Variants in SLC35F3 observed in about 807,000 individuals in gnomAD.
The protein encoded by SLC35F3 is solute carrier family 35 member F3.
In SLC35F3, 25 loss-of-function variants were observed where a neutral mutation model predicts 49.9. The ratio of observed to expected loss-of-function variants is 0.50; its 90% CI spans 0.37 to 0.70. SLC35F3 has a LOEUF of 0.70. SLC35F3 is among the 30% of genes least tolerant of loss of function. The probability of loss-of-function intolerance (pLI) is 0.00; values close to 1 mark genes in which losing one functional copy is unlikely to be tolerated. For synonymous variants in SLC35F3, 275 were observed against 265.4 expected (o/e 1.04, Z -0.35); for missense variants, 525 against 639.8 (o/e 0.82, Z 1.94).
At chr1:233,905,283 C>A (rs76734856) in intron 1 of SLC35F3, among the ~76,000 whole-genome samples, 153 bp downstream of exon 1, 13,357 of 152,206 alleles carry the variant, frequency 0.088, 745 homozygotes, top group East Asian at 0.22. Flanking sequence ...GTCATTCTTT[C>A]CCTCGCCACT....
chr1:234,254,180 G>A (rs1023068657), intron 3 of SLC35F3, among the ~76,000 whole-genome samples: 1 of 152,180 alleles, frequency 6.6e-6, no homozygotes, highest in African/African-American at 2.4e-5. Flanking sequence ...CTGTGGGCTG[G>A]TTCATTTTTT....
At chr1:233,921,794 C>A (rs1662065125) in intron 2 of SLC35F3, among the ~76,000 whole-genome samples, 1 of 124,444 alleles carries the variant, frequency 8.0e-6, no homozygotes, top group Non-Finnish European at 1.7e-5. Flanking sequence ...TAATGCTATC[C>A]CTCCCCCCTC....
rs141296471 is a variant in SLC35F3, at chr1:234,228,885, G to A, written c.284-2532G>A. 4.9e-3 allele frequency among the ~76,000 whole-genome samples: 742 copies of A among 152,234 alleles called. 10 individuals are homozygous for A. The highest frequency in any genetic ancestry group is 0.017 in the African/African-American group (699 of 41,538). The stretch of plus-strand genomic sequence containing the variant: ...AGCACTTTTGTGATGTATGTATAAA[G>A]AATACTTTTTATTTATATGAGGTGT... On this transcript the variant is annotated intron_variant, in intron 2 of 7. Coordinates refer to ENST00000366618, the MANE Select transcript of SLC35F3 (RefSeq NM_173508.4).
intron 2 of SLC35F3, among the ~76,000 whole-genome samples, chr1:234,151,924 A>C (rs910477606): frequency 2.6e-5 from 4 of 152,118 alleles, no homozygotes; most frequent in African/African-American, 9.7e-5. Flanking sequence ...TTATACCTTA[A>C]GGGATTTCTG....
chr1:234,125,430 G>T (rs1225113947), intron 2 of SLC35F3, among the ~76,000 whole-genome samples: 1 of 152,096 alleles, frequency 6.6e-6, no homozygotes, highest in Non-Finnish European at 1.5e-5. Flanking sequence ...AGCAAATCAC[G>T]TGGCTGCTCT....
At chr1:234,138,970 T>G (rs938561934) in intron 2 of SLC35F3, among the ~76,000 whole-genome samples, 1 of 152,202 alleles carries the variant, frequency 6.6e-6, no homozygotes, top group Non-Finnish European at 1.5e-5. Flanking sequence ...TGATGCTACT[T>G]GTTTCTTGAG....
At chr1:234,199,684 G>T (rs1472325117) in intron 2 of SLC35F3, among the ~76,000 whole-genome samples, 1 of 152,066 alleles carries the variant, frequency 6.6e-6, no homozygotes, top group Non-Finnish European at 1.5e-5. Flanking sequence ...CCAAGGAAAT[G>T]ACTAACAGAA....
At chr1:234,020,659 T>C (rs939945213) in intron 2 of SLC35F3, among the ~76,000 whole-genome samples, 1 of 152,196 alleles carries the variant, frequency 6.6e-6, no homozygotes, top group Non-Finnish European at 1.5e-5. Flanking sequence ...CTTGAGAAGA[T>C]TGTAATTGGA....
At chr1:234,015,838 A>G (rs1389053895) in intron 2 of SLC35F3, among the ~76,000 whole-genome samples, 1 of 152,246 alleles carries the variant, frequency 6.6e-6, no homozygotes, top group Non-Finnish European at 1.5e-5. Flanking sequence ...TCTGCACCGC[A>G]AAGGAAACAA....
At chr1:233,967,145 A>C (rs865862181) in intron 2 of SLC35F3, among the ~76,000 whole-genome samples, 1 of 152,200 alleles carries the variant, frequency 6.6e-6, no homozygotes. Context: ...TACTTATCCT[A>C]AAACCAAAAT....
intron 2 of SLC35F3, among the ~76,000 whole-genome samples, chr1:234,077,045 C>T (rs1161455358): frequency 6.1e-5 from 9 of 146,428 alleles, no homozygotes; most frequent in Admixed American, 1.4e-4. Context: ...TCGCCCAGGC[C>T]GGACTGCGGA....
chr1:234,160,611 C>A (rs1453346390), intron 2 of SLC35F3, among the ~76,000 whole-genome samples: 1 of 152,160 alleles, frequency 6.6e-6, no homozygotes, highest in Non-Finnish European at 1.5e-5. Context: ...CTGTCCAGGG[C>A]AACCCAGGAC....
Position 234,000,467 on chromosome 1 carries a change from G to T in SLC35F3, c.283+94709G>T, listed in dbSNP as rs992952848. Among the ~76,000 whole-genome samples the T allele has an allele frequency of 3.9e-5, 6 of 152,178 alleles. No individual in the cohort carries two copies. In the South Asian group the frequency reaches 1.2e-3, roughly 31 times the overall value. On this transcript the variant is annotated intron_variant, in intron 2 of 7. Transcript: ENST00000366618. ...ATGTATGTATTGGACATCTTAATGT[G>T]CTTGGCCCAGTACTAGGTGCCACAG... is the stretch of plus-strand genomic sequence containing the variant.
At chr1:234,167,728 C>T (rs1003290529) in intron 2 of SLC35F3, among the ~76,000 whole-genome samples, 2 of 152,058 alleles carry the variant, frequency 1.3e-5, no homozygotes, top group African/African-American at 4.8e-5. Context: ...TCACATGTGC[C>T]GAGAAATCAT....
intron 2 of SLC35F3, among the ~76,000 whole-genome samples, chr1:234,157,751 G>A (rs1473213399): frequency 6.6e-6 from 1 of 152,082 alleles, no homozygotes; most frequent in Non-Finnish European, 1.5e-5. Context: ...TGGCTCACGT[G>A]CAGAAACTTG....
chr1:234,067,798 C>T (rs1305404217), intron 2 of SLC35F3, among the ~76,000 whole-genome samples: 1 of 152,152 alleles, frequency 6.6e-6, no homozygotes, highest in Non-Finnish European at 1.5e-5. Context: ...TGACTGAGTC[C>T]AGTCCTGATT....
At chr1:233,980,359 A>G (rs527858427) in intron 2 of SLC35F3, among the ~76,000 whole-genome samples, 10 of 152,170 alleles carry the variant, frequency 6.6e-5, no homozygotes, top group Non-Finnish European at 1.3e-4. Context: ...GCCCATAAAA[A>G]GCCCAGGACT....
At position 234,323,509 on chromosome 1, in the gene SLC35F3, C is replaced by T; in HGVS notation, c.*266C>T. The T allele has an allele frequency of 2.1e-6, 1 of 467,194 alleles. No individual in the cohort carries two copies. The highest frequency in any genetic ancestry group is 2.9e-5 in the South Asian group (1 of 34,132). 28.9% of individuals were successfully genotyped at this position (467,194 alleles called of 1,614,324 possible). On this transcript the variant is annotated 3_prime_UTR_variant, in exon 8 of 8. Transcript: ENST00000366618. This position sits in a 1 kb window ranked among gnomAD's most constrained non-coding sequence, Gnocchi z 4.5. ...GGGTTTAAAAGTTCCCTGCGTAGAT[C>T]GTTTTGGATGGCTGACGTTCTTGAC... is the stretch of plus-strand genomic sequence containing the variant.
At chr1:234,077,627 G>A (rs928143613) in intron 2 of SLC35F3, among the ~76,000 whole-genome samples, 3 of 152,164 alleles carry the variant, frequency 2.0e-5, no homozygotes, top group African/African-American at 7.2e-5. Flanking sequence ...ACCAGTGGGT[G>A]TGCAGTGTCA....
Sources: allele counts gnomAD v4.1 joint callset (sites outside exome capture counted in the v4.1 genomes callset), GRCh38; gene constraint gnomAD v4.1.1; non-coding constraint Gnocchi (gnomAD v3.1); transcripts MANE v1.5; gene names NCBI Gene and HGNC (gene_info 2026-07-23, HGNC 2026-07-21).